Variants in RPS6KA2 observed in about 807,000 individuals in gnomAD.
RPS6KA2 encodes ribosomal protein S6 kinase A2.
In RPS6KA2, 42 loss-of-function variants were observed where a neutral mutation model predicts 91.8. That is an observed-to-expected ratio of 0.46 (90% CI 0.36 to 0.59). The LOEUF (loss-of-function observed/expected upper bound fraction) is 0.59, where lower values mean the gene tolerates loss of function less well. RPS6KA2 is among the 20% of genes least tolerant of loss of function. The probability of loss-of-function intolerance (pLI) is 0.00; values close to 1 mark genes in which losing one functional copy is unlikely to be tolerated. For synonymous variants in RPS6KA2, 414 were observed against 393.6 expected (o/e 1.05, Z -0.61); for missense variants, 798 against 978.5 (o/e 0.82, Z 2.46).
chr6:166,785,053 T>A (rs545135230), intron 2 of RPS6KA2, among the ~76,000 whole-genome samples: 1 of 152,354 alleles, frequency 6.6e-6, no homozygotes, highest in African/African-American at 2.4e-5. Flanking sequence ...TGTATACACG[T>A]GTCTGTATAT....
At chr6:166,632,797 G>A (rs1271611730) in intron 2 of RPS6KA2, among the ~76,000 whole-genome samples, 3 of 152,170 alleles carry the variant, frequency 2.0e-5, no homozygotes, top group East Asian at 1.9e-4. Context: ...CTGGGAGCCC[G>A]AGCTTAGTGA....
At chr6:166,788,347 A>G (rs1303958287) in intron 2 of RPS6KA2, among the ~76,000 whole-genome samples, 1 of 152,202 alleles carries the variant, frequency 6.6e-6, no homozygotes, top group South Asian at 2.1e-4. Flanking sequence ...TATAGACCCA[A>G]AGGATTATAA....
intron 2 of RPS6KA2, among the ~76,000 whole-genome samples, chr6:166,771,802 C>A (rs1012169165): frequency 6.6e-6 from 1 of 152,212 alleles, no homozygotes; most frequent in Non-Finnish European, 1.5e-5. Flanking sequence ...ATGCCAGCGG[C>A]CTCTGCTGCC....
intron 2 of RPS6KA2, among the ~76,000 whole-genome samples, chr6:166,734,338 C>G (rs1242796390): frequency 6.6e-6 from 1 of 152,192 alleles, no homozygotes; most frequent in Non-Finnish European, 1.5e-5. Context: ...AGGGTTTATA[C>G]TGACATGAAT....
intron 2 of RPS6KA2, among the ~76,000 whole-genome samples, chr6:166,735,976 T>C (rs1790660830): frequency 6.6e-6 from 1 of 152,242 alleles, no homozygotes; most frequent in Non-Finnish European, 1.5e-5. Flanking sequence ...ATGTACTCAT[T>C]GTTAAAAATA....
intron 1 of RPS6KA2, chr6:166,862,074 A>G (rs1300006100): frequency 1.2e-6 from 2 of 1,614,008 alleles, no homozygotes; most frequent in Non-Finnish European, 1.7e-6. Context: ...ATTCTTGAGG[A>G]TGCTGTGAAA....
chr6:166,725,550 T>TG (rs1437429391), intron 2 of RPS6KA2, among the ~76,000 whole-genome samples: 7 of 152,146 alleles, frequency 4.6e-5, no homozygotes, highest in African/African-American at 1.7e-4. Flanking sequence ...GGAGCATCCC[T>TG]GGGAGCCACC....
intron 2 of RPS6KA2, among the ~76,000 whole-genome samples, chr6:166,634,137 A>G (rs1787163795): frequency 6.6e-6 from 1 of 152,218 alleles, no homozygotes; most frequent in South Asian, 2.1e-4. Flanking sequence ...ACAGGGACAC[A>G]CTTGCATTTG....
chr6:166,439,745 G>A (rs566722305), intron 14 of RPS6KA2: 1 of 152,354 alleles, frequency 6.6e-6, no homozygotes, highest in East Asian at 1.9e-4. Flanking sequence ...TGTGTTCTCT[G>A]GTTGGTCCTG....
At chr6:166,436,416 CACTGGCCGGCCAGCAA>C (rs1779308342) in intron 14 of RPS6KA2, among the ~76,000 whole-genome samples, 1 of 151,966 alleles carries the variant, frequency 6.6e-6, no homozygotes. Context: ...GCTGGAGGGT[CACTGGCCGGCCAGCAA>C]GGCACAGTGT....
intron 3 of RPS6KA2, among the ~76,000 whole-genome samples, chr6:166,510,896 C>T (rs1428033936): frequency 2.0e-5 from 3 of 151,934 alleles, no homozygotes; most frequent in African/African-American, 7.3e-5. Flanking sequence ...TTTCCCTCGC[C>T]CTGTATTTTT....
rs533736534 is a variant in RPS6KA2 at position 166,851,971 on chromosome 6, C to T, written c.123+6229G>A. 3.9e-5 allele frequency among the ~76,000 whole-genome samples: 6 copies of T among 152,272 alleles called. No homozygotes were observed. The East Asian group carries it at 5.8e-4, about 15-fold the overall frequency. Reference sequence around the variant, plus strand: ...TCCCAATCTTCTTTACAAAATCATACGTTTTTCTTCTTTTCTGCCTCAATA... The same window carrying T: ...TCCCAATCTTCTTTACAAAATCATATGTTTTTCTTCTTTTCTGCCTCAATA... On this transcript the variant is annotated intron_variant, in intron 2 of 21. Transcript: ENST00000503859.
chr6:166,779,317 A>G (rs937802048), intron 2 of RPS6KA2, among the ~76,000 whole-genome samples: 1 of 152,222 alleles, frequency 6.6e-6, no homozygotes, highest in African/African-American at 2.4e-5. Flanking sequence ...TCCGTCCAGT[A>G]AAGATTTAAA....
At chr6:166,723,689 TTTTTC>T (rs1323002380) in intron 2 of RPS6KA2, among the ~76,000 whole-genome samples, 6 of 148,796 alleles carry the variant, frequency 4.0e-5, no homozygotes, top group Admixed American at 2.0e-4. Context: ...CCTTTTTCTT[TTTTTC>T]TTTTCTTTTC....
At chr6:166,738,319 C>T (rs1790724124) in intron 2 of RPS6KA2, among the ~76,000 whole-genome samples, 1 of 152,132 alleles carries the variant, frequency 6.6e-6, no homozygotes, top group African/African-American at 2.4e-5. Context: ...AGTTGGTTAC[C>T]CAGTGGTCTG....
intron 2 of RPS6KA2, among the ~76,000 whole-genome samples, chr6:166,793,244 C>T (rs1175500064): frequency 1.2e-4 from 18 of 150,574 alleles, no homozygotes; most frequent in Admixed American, 2.0e-4. Context: ...GAGTGAACTC[C>T]CATTCACAAT....
At position 166,648,228 on chromosome 6, in the gene RPS6KA2, G is replaced by A. The variant is rs973181709; in HGVS notation, c.124-109444C>T. Reference sequence around the variant, plus strand: ...CACTCATGCACACACACGCACATGCGCACACACACACATTCACACAGGCAC... The same window carrying A: ...CACTCATGCACACACACGCACATGCACACACACACACATTCACACAGGCAC... On this transcript the variant is annotated intron_variant, in intron 2 of 21. Coordinates refer to the RPS6KA2 transcript ENST00000503859. This position sits in a 1 kb window ranked among gnomAD's most constrained non-coding sequence, Gnocchi z 4.8. 1.7e-4 allele frequency among the ~76,000 whole-genome samples: 25 copies of A among 147,098 alleles called. No homozygotes were observed. Among genetic ancestry groups the A allele is most frequent in the Admixed American group, 4.1e-4 (6 of 14,650 alleles).
chr6:166,483,629 A>C (rs1005502382), intron 10 of RPS6KA2, among the ~76,000 whole-genome samples: 1 of 152,204 alleles, frequency 6.6e-6, no homozygotes, highest in Admixed American at 6.5e-5. Context: ...TCGCATCCTC[A>C]CTAAATAAGA....
chr6:166,844,971 A>C (rs1051031487), intron 2 of RPS6KA2, among the ~76,000 whole-genome samples: 1 of 152,198 alleles, frequency 6.6e-6, no homozygotes, highest in Non-Finnish European at 1.5e-5. Context: ...TAAATGCCCC[A>C]CTTAAAAGAT....
Sources: allele counts gnomAD v4.1 joint callset (sites outside exome capture counted in the v4.1 genomes callset), GRCh38; gene constraint gnomAD v4.1.1; non-coding constraint Gnocchi (gnomAD v3.1); transcripts MANE v1.5; gene names NCBI Gene and HGNC (gene_info 2026-07-23, HGNC 2026-07-21).